The following ARHGAP24 variants were observed in gnomAD, a reference collection of about 807,000 sequenced individuals.
The protein encoded by ARHGAP24 is Rho GTPase activating protein 24, also known as rho GTPase-activating protein 24.
A neutral mutation model predicts 76.4 loss-of-function variants in ARHGAP24; 50 were observed. The ratio of observed to expected loss-of-function variants is 0.65; its 90% CI spans 0.52 to 0.83. ARHGAP24 has a LOEUF of 0.83. Among genes scored for constraint, ARHGAP24 ranks in the 40% least tolerant of loss-of-function variants. The probability of loss-of-function intolerance (pLI) is 0.00; values close to 1 mark genes in which losing one functional copy is unlikely to be tolerated. For missense variants in ARHGAP24, 930 were observed against 914.2 expected (o/e 1.02, Z -0.22); for synonymous variants, 345 against 323.3 (o/e 1.07, Z -0.72).
At chr4:85,950,585 G>A (rs1737553437) in intron 5 of ARHGAP24, among the ~76,000 whole-genome samples, 3 of 151,976 alleles carry the variant, frequency 2.0e-5, no homozygotes, top group South Asian at 2.1e-4. Flanking sequence ...TAGTGTCCAC[G>A]GAGGTTGATT....
chr4:85,734,254 C>G (rs1725521223), intron 3 of ARHGAP24, among the ~76,000 whole-genome samples: 1 of 152,176 alleles, frequency 6.6e-6, no homozygotes, highest in Non-Finnish European at 1.5e-5. Flanking sequence ...GGATTTAAAA[C>G]TCTCTTCAAT....
chr4:85,854,135 C>CAAA (rs35799327), intron 3 of ARHGAP24, among the ~76,000 whole-genome samples: 8 of 85,566 alleles, frequency 9.3e-5, no homozygotes, highest in African/African-American at 1.6e-4. Flanking sequence ...GACTCTGTCT[C>CAAA]AAAAAAAAAA....
chr4:85,719,696 G>T (rs1191338492), intron 2 of ARHGAP24, among the ~76,000 whole-genome samples: 3 of 152,104 alleles, frequency 2.0e-5, no homozygotes, highest in Non-Finnish European at 2.9e-5. Flanking sequence ...TTAACTATAT[G>T]CCAGGCAAAA....
chr4:85,521,695 A>G (rs930332673), intron 1 of ARHGAP24, among the ~76,000 whole-genome samples: 2 of 152,156 alleles, frequency 1.3e-5, no homozygotes, highest in Non-Finnish European at 2.9e-5. Context: ...TTAGTAAATT[A>G]CAGCCTACTT....
chr4:85,597,222 TG>T (rs1235698721), intron 2 of ARHGAP24, among the ~76,000 whole-genome samples: 1 of 152,148 alleles, frequency 6.6e-6, no homozygotes, highest in East Asian at 1.9e-4. Context: ...TTTATTGATA[TG>T]AATTGGTTGT....
At chr4:85,769,062 T>C (rs941933276) in intron 3 of ARHGAP24, among the ~76,000 whole-genome samples, 1 of 152,068 alleles carries the variant, frequency 6.6e-6, no homozygotes, top group Non-Finnish European at 1.5e-5. Flanking sequence ...ATGAAAAATA[T>C]AGTATTCATA....
intron 2 of ARHGAP24, among the ~76,000 whole-genome samples, chr4:85,688,410 T>A (rs772508332): frequency 6.6e-6 from 1 of 152,190 alleles, no homozygotes; most frequent in East Asian, 1.9e-4. Context: ...CTCATTTTTT[T>A]AAATGGGATT....
intron 2 of ARHGAP24, among the ~76,000 whole-genome samples, chr4:85,585,601 A>G (rs1293866358): frequency 2.6e-5 from 4 of 152,234 alleles, no homozygotes; most frequent in Non-Finnish European, 4.4e-5. Context: ...GATTTTGGAC[A>G]TTTCTGTCAA....
At chr4:85,665,476 A>T (rs1191117779) in intron 2 of ARHGAP24, among the ~76,000 whole-genome samples, 1 of 152,168 alleles carries the variant, frequency 6.6e-6, no homozygotes, top group Non-Finnish European at 1.5e-5. Context: ...CCAATTTGCC[A>T]GTCTGTGTCT....
intron 2 of ARHGAP24, among the ~76,000 whole-genome samples, chr4:85,690,573 C>A (rs969972679): frequency 6.6e-6 from 1 of 152,064 alleles, no homozygotes; most frequent in Non-Finnish European, 1.5e-5. Context: ...TTATCTCTTT[C>A]CTTTAGATTT....
intron 2 of ARHGAP24, among the ~76,000 whole-genome samples, chr4:85,694,336 C>G (rs1236399281): frequency 6.6e-6 from 1 of 151,632 alleles, no homozygotes; most frequent in African/African-American, 2.4e-5. Flanking sequence ...TAGGTGGTGC[C>G]GGAAGAACAC....
At chr4:85,944,983 G>C (rs1222871764) in intron 5 of ARHGAP24, among the ~76,000 whole-genome samples, 2 of 151,998 alleles carry the variant, frequency 1.3e-5, no homozygotes, top group African/African-American at 4.8e-5. Flanking sequence ...GAGTAGCTGG[G>C]CTACAGGCAT....
intron 2 of ARHGAP24, among the ~76,000 whole-genome samples, chr4:85,606,368 C>T (rs1720194000): frequency 6.6e-6 from 1 of 151,984 alleles, no homozygotes; most frequent in Non-Finnish European, 1.5e-5. Context: ...AAAAAATTGA[C>T]TGGGCGTGGT....
At chr4:85,714,853 A>G (rs934354076) in intron 2 of ARHGAP24, among the ~76,000 whole-genome samples, 1 of 152,160 alleles carries the variant, frequency 6.6e-6, no homozygotes, top group Non-Finnish European at 1.5e-5. Flanking sequence ...TATTTATAAA[A>G]CTTCCCCAAA....
intron 2 of ARHGAP24, among the ~76,000 whole-genome samples, chr4:85,663,906 C>G (rs1722505456): frequency 6.6e-6 from 1 of 151,294 alleles, no homozygotes; most frequent in Admixed American, 6.6e-5. Flanking sequence ...TGATGTGCTG[C>G]TGGATTCAGT....
chr4:85,515,658 T>C lies in ARHGAP24; in HGVS notation c.-21+40099T>C, dbSNP rs191759062. Among the ~76,000 whole-genome samples, 557 of 152,234 alleles carry C rather than the reference T, an allele frequency of 3.7e-3. 7 individuals carry two copies. Among genetic ancestry groups the C allele is most frequent in the Middle Eastern group, 0.034 (10 of 294 alleles). ...TATAGTTTCATAATATTTCCTTGTGTGGTGTATCCTAGTTTTTTTCTGTCA... is the reference window on the plus strand; with the variant it reads ...TATAGTTTCATAATATTTCCTTGTGCGGTGTATCCTAGTTTTTTTCTGTCA... On this transcript the variant is annotated intron_variant, in intron 1 of 9. Transcript: ENST00000395184.
intron 3 of ARHGAP24, among the ~76,000 whole-genome samples, chr4:85,783,032 C>A (rs1727636933): frequency 6.6e-6 from 1 of 152,092 alleles, no homozygotes; most frequent in South Asian, 2.1e-4. Context: ...GTTCATTAAG[C>A]AAAGCCATTT....
intron 5 of ARHGAP24, among the ~76,000 whole-genome samples, chr4:85,959,505 A>G (rs1232695696): frequency 6.6e-6 from 1 of 152,190 alleles, no homozygotes; most frequent in Non-Finnish European, 1.5e-5. Context: ...CATGCCTCTG[A>G]CACATCCATG....
intron 1 of ARHGAP24, among the ~76,000 whole-genome samples, chr4:85,556,577 C>T (rs1726380520): frequency 6.6e-6 from 1 of 152,202 alleles, no homozygotes. Flanking sequence ...GGGGTTTCCT[C>T]CTCAGAGAAA....
Sources: allele counts gnomAD v4.1 joint callset (sites outside exome capture counted in the v4.1 genomes callset), GRCh38; gene constraint gnomAD v4.1.1; transcripts MANE v1.5; gene names NCBI Gene and HGNC (gene_info 2026-07-23, HGNC 2026-07-21).